PWWP2A: variants seen among roughly 807,000 people sequenced by gnomAD.
PWWP2A encodes PWWP domain containing 2A, also known as PWWP domain-containing protein 2A.
Under a neutral mutation model 48.5 loss-of-function variants are expected in PWWP2A, and 18 were observed. That is an observed-to-expected ratio of 0.37 (90% confidence interval 0.26 to 0.55). PWWP2A has a LOEUF of 0.55. Among genes scored for constraint, PWWP2A ranks in the 20% least tolerant of loss-of-function variants. PWWP2A has a pLI of 0.81. For missense variants in PWWP2A, 867 were observed against 976.4 expected, an observed-to-expected ratio of 0.89 and a Z score of 1.49; for synonymous variants, 396 against 387.7, an observed-to-expected ratio of 1.02 and a Z score of -0.25.
chr5:160,096,967 G>A (rs942646328), intron 1 of PWWP2A, among the ~76,000 whole-genome samples: 6 of 152,262 alleles, frequency 3.9e-5, no homozygotes, highest in African/African-American at 1.2e-4. Flanking sequence ...AGGTGAATAC[G>A]CGGCAGCCAT....
rs1755072586 is a variant in PWWP2A, at chr5:160,091,602, T to G, written c.*780A>C. On this transcript the variant is annotated 3_prime_UTR_variant, in exon 2 of 2. Coordinates refer to ENST00000307063, the MANE Select transcript of PWWP2A (RefSeq NM_001130864.2). The stretch of plus-strand genomic sequence containing the variant: ...CCAGTCAGGAGAAATCTGACCAAAT[T>G]TAGCAATCACTATTTACAAATCCAA... 1 of 983,078 alleles carries G rather than the reference T, an allele frequency of 1.0e-6. No homozygotes were observed. The highest frequency in any genetic ancestry group is 1.2e-6 in the Non-Finnish European group (1 of 829,126). The allele number at this position is 983,078 out of a possible 1,614,324, so 60.9% of individuals were successfully genotyped here.
Position 160,078,171 on chromosome 5 carries a change from G to A in PWWP2A, c.1670-3C>T. On this transcript the variant is annotated splice_region_variant and splice_polypyrimidine_tract_variant and intron_variant, in intron 3 of 3. Transcript: ENST00000456329. This position sits in a 1 kb window ranked among gnomAD's most constrained non-coding sequence, Gnocchi z 4.2. ...AGCAGCCTGCTAATGTCTTTGTGCT[G>A]AAATATAGTAAAGAAAAGGAAGAAA... 6.4e-7 allele frequency: 1 copy of A among 1,553,524 alleles called. No homozygotes were observed. The highest frequency in any genetic ancestry group is 8.7e-7 in the Non-Finnish European group (1 of 1,146,320).
chr5:160,090,779 A>T, downstream of PWWP2A: 1 of 969,644 alleles, frequency 1.0e-6, no homozygotes, highest in Non-Finnish European at 1.2e-6. Context: ...AAGTATTGAA[A>T]TTAGATATCC....
downstream of PWWP2A, among the ~76,000 whole-genome samples, chr5:160,074,615 G>A (rs999183899): frequency 5.5e-5 from 8 of 146,510 alleles, no homozygotes; most frequent in East Asian, 6.3e-4. Context: ...GGGTGGTGGC[G>A]CATGCCTGTA....
intron 1 of PWWP2A, among the ~76,000 whole-genome samples, chr5:160,110,963 ACT>A (rs1757501507): frequency 1.5e-5 from 2 of 135,110 alleles, no homozygotes; most frequent in South Asian, 4.6e-4. Flanking sequence ...CCTGAGCAAG[ACT>A]CTGTCTCAAA....
At chr5:160,109,816 TATA>T (rs1340010020) in intron 1 of PWWP2A, among the ~76,000 whole-genome samples, 14 of 107,682 alleles carry the variant, frequency 1.3e-4, no homozygotes, top group South Asian at 3.0e-4. Flanking sequence ...TATAAAATAA[TATA>T]ATAATATATA....
intron 1 of PWWP2A, chr5:160,108,534 C>T (rs919152733): frequency 1.6e-6 from 2 of 1,264,958 alleles, no homozygotes; most frequent in Admixed American, 4.6e-5. Context: ...GCTACTGATA[C>T]CACTACTCAC....
At chr5:160,060,902 T>G (rs1249005707), downstream of PWWP2A, among the ~76,000 whole-genome samples, 1 of 152,212 alleles carries the variant, frequency 6.6e-6, no homozygotes, top group East Asian at 1.9e-4. Context: ...TTGTAGAAAT[T>G]TTAATGTTTG....
At chr5:160,088,469 C>T (rs557139759), downstream of PWWP2A, among the ~76,000 whole-genome samples, 93 of 152,254 alleles carry the variant, frequency 6.1e-4, no homozygotes, top group African/African-American at 2.0e-3. Flanking sequence ...AGGCTGGTCT[C>T]GAACTCCTGA....
At chr5:160,095,830 G>A (rs1430842340) in intron 1 of PWWP2A, among the ~76,000 whole-genome samples, 1 of 151,720 alleles carries the variant, frequency 6.6e-6, no homozygotes, top group African/African-American at 2.4e-5. Flanking sequence ...AAGTAGCTGG[G>A]ACCACAGACA....
intron 1 of PWWP2A, among the ~76,000 whole-genome samples, chr5:160,102,946 T>C (rs553138779): frequency 6.6e-5 from 10 of 152,322 alleles, no homozygotes; most frequent in Admixed American, 1.3e-4. Context: ...ATCGGAAAAA[T>C]TGAAGAAATA....
At chr5:160,118,728 G>T in intron 1 of PWWP2A, 77 bp downstream of exon 1, 1 of 1,310,224 alleles carries the variant, frequency 7.6e-7, no homozygotes, top group Non-Finnish European at 9.9e-7. Flanking sequence ...CGAGGGCTCG[G>T]GGAGAGGGGG....
chr5:160,094,035 T>C lies in PWWP2A; in HGVS notation c.615A>G (p.Val205=). 1.2e-6 allele frequency: 2 copies of C among 1,613,366 alleles called. No homozygotes were observed. Among genetic ancestry groups the C allele is most frequent in the Non-Finnish European group, 1.7e-6 (2 of 1,179,374 alleles). ...TATCCTTATATTCCCTTTTGGGAAA[T>C]ACTGTCACAGGGATACCATGGGGCC... ...RFGPHGIPVT[V]FPKREYKDKP... The change falls in exon 2 of 2, where the codon GTA becomes GTG. Residue 205 remains valine (V), a synonymous_variant. Transcript: ENST00000307063.
chr5:160,064,699 C>T (rs776065703), intron 4 of PWWP2A, among the ~76,000 whole-genome samples: 3 of 152,214 alleles, frequency 2.0e-5, no homozygotes, highest in African/African-American at 4.8e-5. Context: ...ACTCCACTCT[C>T]ATCTATGCAA....
At chr5:160,090,286 GT>G (rs1167495819), downstream of PWWP2A, 33 of 984,888 alleles carry the variant, frequency 3.4e-5, no homozygotes, top group Middle Eastern at 1.0e-3. Context: ...TCAAACTACT[GT>G]TAAAACTCAC....
At chr5:160,053,399 C>A in the PWWP2A span, among the ~76,000 whole-genome samples, 2 of 151,996 alleles carry the variant, frequency 1.3e-5, no homozygotes, top group African/African-American at 2.4e-5. Context: ...ATGGCAAAAT[C>A]CTGTCACTAA....
At chr5:160,065,224 AGG>A in intron 4 of PWWP2A, 1 of 1,019,800 alleles carries the variant, frequency 9.8e-7, no homozygotes, top group Non-Finnish European at 1.5e-6. Flanking sequence ...TTTTATGATC[AGG>A]GTGAAATGTA....
rs1450598443 is a variant in PWWP2A, at chr5:160,077,796, A to AT, written c.*358dup. On this transcript the variant is annotated 3_prime_UTR_variant, in exon 4 of 4. Coordinates refer to the PWWP2A transcript ENST00000456329. This position sits in a 1 kb window ranked among gnomAD's most constrained non-coding sequence, Gnocchi z 4.2. ...TAATTCAGCATTTCTGCATCATCCC[A>AT]TGCCTTTTAGGCCTGTCCAAACTGT... is the stretch of plus-strand genomic sequence containing the variant. 4.7e-6 allele frequency: 1 copy of AT among 214,968 alleles called. No homozygotes were observed. Among genetic ancestry groups the AT allele is most frequent in the Admixed American group, 5.2e-5 (1 of 19,366 alleles). The allele number at this position is 214,968 out of a possible 1,614,324, so 13.3% of individuals were successfully genotyped here.
chr5:160,080,582 A>G (rs1754157158), intron 3 of PWWP2A: 1 of 1,340,168 alleles, frequency 7.5e-7, no homozygotes, highest in Non-Finnish European at 9.8e-7. Context: ...AGCCTAATCT[A>G]CTTCAGGAAT....
Sources: gnomAD v4.1 joint callset for allele counts (sites outside exome capture counted in the v4.1 genomes callset) on GRCh38, gnomAD v4.1.1 for gene constraint, Gnocchi (gnomAD v3.1) non-coding constraint, MANE v1.5 for transcripts, NCBI Gene and HGNC (gene_info 2026-07-23, HGNC 2026-07-21) for gene names.